Variants in DLC1 observed in about 807,000 individuals in gnomAD.
DLC1 encodes the protein DLC1 Rho GTPase activating protein, also known as rho GTPase-activating protein 7.
A neutral mutation model predicts 140.3 loss-of-function variants in DLC1; 54 were observed. The ratio of observed to expected loss-of-function variants is 0.38; its 90% CI spans 0.31 to 0.48. The LOEUF is 0.48. Among genes scored for constraint, DLC1 ranks in the 20% least tolerant of loss-of-function variants. The pLI, the probability that DLC1 is intolerant of heterozygous loss-of-function variation, is 0.96. For missense variants in DLC1, 2,536 were observed against 1,907.0 expected, an observed-to-expected ratio of 1.33 and a Z score of -6.14; for synonymous variants, 986 against 728.1, an observed-to-expected ratio of 1.35 and a Z score of -5.70.
At chr8:13,148,917 C>T (rs555790805) in intron 5 of DLC1, among the ~76,000 whole-genome samples, 6 of 152,202 alleles carry the variant, frequency 3.9e-5, no homozygotes, top group East Asian at 1.9e-4. Flanking sequence ...CTCAGCCTGC[C>T]GAGTAGCTGG....
chr8:13,113,762 ACAAGTAACTCCAC>A (rs1001212221), intron 6 of DLC1, among the ~76,000 whole-genome samples: 2 of 152,242 alleles, frequency 1.3e-5, no homozygotes, highest in African/African-American at 2.4e-5. Context: ...TAAAGGAAAG[ACAAGTAACTCCAC>A]CAAAATAAGC....
chr8:13,131,546 T>C (rs1321819998), intron 5 of DLC1, among the ~76,000 whole-genome samples: 2 of 151,756 alleles, frequency 1.3e-5, no homozygotes, highest in African/African-American at 2.4e-5. Flanking sequence ...AAAACAAGAC[T>C]GGGGATGGGA....
rs965697130 is a variant in DLC1 at position 13,567,731 on chromosome 8, C to A, written c.-126+36806G>T. ...GACTTTCTCACCCGTATTGGAGAAG[C>A]ACATCAAGACTTTCCCAGGCTTTCA... On this transcript the variant is annotated intron_variant, in intron 1 of 1. Transcript: ENST00000631382. The A allele has an allele frequency of 4.5e-6, 7 of 1,551,958 alleles. No homozygotes were observed. The East Asian group carries it at 1.5e-4, about 32-fold the overall frequency.
chr8:13,415,249 T>C (rs777255613), intron 2 of DLC1, among the ~76,000 whole-genome samples: 5 of 152,200 alleles, frequency 3.3e-5, no homozygotes, highest in African/African-American at 4.8e-5. Flanking sequence ...AAATCACTAT[T>C]TGCTAGTGAT....
At chr8:13,133,356 CG>C (rs1476658702) in intron 5 of DLC1, 2 of 1,078,450 alleles carry the variant, frequency 1.9e-6, no homozygotes, top group African/African-American at 3.5e-5. Flanking sequence ...GGGGCCAGAG[CG>C]GGCGGCACCG....
chr8:13,348,466 G>T (rs2117018415), intron 4 of DLC1, among the ~76,000 whole-genome samples: 1 of 152,266 alleles, frequency 6.6e-6, no homozygotes, highest in Middle Eastern at 3.4e-3. Context: ...TGGATGATTT[G>T]GGAAATGTGT....
intron 4 of DLC1, among the ~76,000 whole-genome samples, chr8:13,370,952 T>A (rs1835699248): frequency 6.6e-6 from 1 of 152,158 alleles, no homozygotes; most frequent in Admixed American, 6.5e-5. Flanking sequence ...ACTGCAGTGT[T>A]TAATGGCTCT....
chr8:13,199,081 A>G (rs576559239), intron 5 of DLC1, among the ~76,000 whole-genome samples: 2 of 152,116 alleles, frequency 1.3e-5, no homozygotes, highest in African/African-American at 4.8e-5. Flanking sequence ...TACAGCTTAA[A>G]AGAGACTTTG....
At chr8:13,600,920 A>G (rs1284513584) in intron 1 of DLC1, among the ~76,000 whole-genome samples, 2 of 151,864 alleles carry the variant, frequency 1.3e-5, no homozygotes, top group African/African-American at 2.4e-5. Flanking sequence ...TATATGTAGT[A>G]TTCATTTTAC....
chr8:13,268,262 T>C (rs1830771131), intron 5 of DLC1, among the ~76,000 whole-genome samples: 1 of 152,170 alleles, frequency 6.6e-6, no homozygotes, highest in Non-Finnish European at 1.5e-5. Flanking sequence ...GACAAGTCTT[T>C]TTGTCTTATA....
intron 1 of DLC1, among the ~76,000 whole-genome samples, chr8:13,513,396 T>A (rs1039389724): frequency 6.6e-6 from 1 of 152,142 alleles, no homozygotes; most frequent in Non-Finnish European, 1.5e-5. Flanking sequence ...TTAAAATTTA[T>A]CAATATAAGT....
At chr8:13,353,159 A>C (rs185850362) in intron 4 of DLC1, among the ~76,000 whole-genome samples, 1 of 152,326 alleles carries the variant, frequency 6.6e-6, no homozygotes, top group East Asian at 1.9e-4. Context: ...CAAATGAGGC[A>C]GGTTAGAGAA....
chr8:13,104,320 A>C (rs949178784), intron 7 of DLC1, among the ~76,000 whole-genome samples: 81 of 148,128 alleles, frequency 5.5e-4, no homozygotes, highest in African/African-American at 1.7e-3. Context: ...AAATTAGGGA[A>C]ATTTAGTTTC....
intron 5 of DLC1, among the ~76,000 whole-genome samples, chr8:13,208,549 G>C (rs1452629851): frequency 6.6e-6 from 1 of 151,976 alleles, no homozygotes; most frequent in African/African-American, 2.4e-5. Flanking sequence ...TTTGGTGCAG[G>C]GTTTTTAGAT....
chr8:13,275,571 C>G (rs1372016838), intron 5 of DLC1, among the ~76,000 whole-genome samples: 1 of 151,972 alleles, frequency 6.6e-6, no homozygotes, highest in East Asian at 1.9e-4. Flanking sequence ...CTATTTTATC[C>G]CAACGCAAAA....
chr8:13,448,729 C>A (rs965781974), intron 2 of DLC1, among the ~76,000 whole-genome samples: 22 of 152,106 alleles, frequency 1.4e-4, no homozygotes, highest in African/African-American at 3.1e-4. Context: ...TCTCCTTTCT[C>A]CATAGTGTTC....
intron 4 of DLC1, among the ~76,000 whole-genome samples, chr8:13,318,396 A>G (rs1365555236): frequency 1.3e-5 from 2 of 152,122 alleles, no homozygotes; most frequent in Non-Finnish European, 2.9e-5. Context: ...ATGTATGAGG[A>G]AATGAAGTCA....
intron 2 of DLC1, among the ~76,000 whole-genome samples, chr8:13,474,834 A>T (rs1800370551): frequency 6.6e-6 from 1 of 152,180 alleles, no homozygotes; most frequent in Admixed American, 6.5e-5. Context: ...CATTTACCCA[A>T]TGCCTGAATC....
intron 5 of DLC1, among the ~76,000 whole-genome samples, chr8:13,137,527 C>T (rs1011113759): frequency 6.6e-6 from 1 of 151,360 alleles, no homozygotes; most frequent in Admixed American, 6.6e-5. Flanking sequence ...CATGATTTGG[C>T]AACAAGACCT....
Sources: gnomAD v4.1 joint callset for allele counts (sites outside exome capture counted in the v4.1 genomes callset) on GRCh38, gnomAD v4.1.1 for gene constraint, MANE v1.5 for transcripts, NCBI Gene and HGNC (gene_info 2026-07-23, HGNC 2026-07-21) for gene names.